The following RIT1 variants were observed in gnomAD, a reference collection of about 807,000 sequenced individuals.
RIT1 encodes the protein Ras like without CAAX 1.
Under a neutral mutation model 25.6 loss-of-function variants are expected in RIT1, and 6 were observed. That is an observed-to-expected ratio of 0.23 (90% CI 0.13 to 0.46). RIT1 has a LOEUF of 0.46. Among genes scored for constraint, RIT1 ranks in the 20% least tolerant of loss-of-function variants. The pLI is 0.99. For synonymous variants in RIT1, 81 were observed against 94.1 expected (o/e 0.86, Z 0.80); for missense variants, 219 against 284.4 (o/e 0.77, Z 1.65).
Position 155,900,289 on chromosome 1 carries a change from A to G in RIT1, c.*99T>C. 2 of 792,210 alleles carry G rather than the reference A, an allele frequency of 2.5e-6. No individual in the cohort carries two copies. The highest frequency in any genetic ancestry group is 4.2e-6 in the Non-Finnish European group (2 of 475,774). The allele number at this position is 792,210 out of a possible 1,614,324, so 49.1% of individuals were successfully genotyped here. On this transcript the variant is annotated 3_prime_UTR_variant, in exon 6 of 6. Coordinates refer to ENST00000368323, the MANE Select transcript of RIT1 (RefSeq NM_006912.6). ...TCCTAGTAGGCATGTCCCTCTTATCAGTTAAGTGAAAGAGCAAGCACCATA... is the reference window on the plus strand; with the variant it reads ...TCCTAGTAGGCATGTCCCTCTTATCGGTTAAGTGAAAGAGCAAGCACCATA...
In RIT1 at chr1:155,900,333, T is replaced by G. The variant is rs1211510071; in HGVS notation, c.*55A>C. On this transcript the variant is annotated 3_prime_UTR_variant, in exon 6 of 6. Coordinates refer to ENST00000368323, the MANE Select transcript of RIT1 (RefSeq NM_006912.6). ...CACCATACTCAGTACTGCAGGTTAC[T>G]GGACTGCTTTGATACAGCACTGCAG... 2 of 1,302,110 alleles carry G rather than the reference T, an allele frequency of 1.5e-6. No homozygotes were observed. Among genetic ancestry groups the G allele is most frequent in the African/African-American group, 2.9e-5 (2 of 68,732 alleles). The allele number at this position is 1,302,110 out of a possible 1,614,324, so 80.7% of individuals were successfully genotyped here.
In RIT1 at chr1:155,905,175, C is replaced by A. The variant is rs540102421; in HGVS notation, c.164-371G>T. 5.3e-5 allele frequency among the ~76,000 whole-genome samples: 8 copies of A among 152,052 alleles called. No homozygotes were observed. In the East Asian group the frequency reaches 1.5e-3, roughly 29 times the overall value. On this transcript the variant is annotated intron_variant, in intron 3 of 5. Transcript: ENST00000368323. ...TTTGAGCCCAGGAGTTCAAGACCAGCCTGGGCAACACAGCAACAGCTCATC... is the reference window on the plus strand; with the variant it reads ...TTTGAGCCCAGGAGTTCAAGACCAGACTGGGCAACACAGCAACAGCTCATC...
rs777520196 is a variant in RIT1 at position 155,904,375 on chromosome 1, C to A, written c.365G>T (p.Arg122Leu). 6.2e-7 allele frequency: 1 copy of A among 1,614,032 alleles called. No individual in the cohort carries two copies. The highest frequency in any genetic ancestry group is 8.5e-7 in the Non-Finnish European group (1 of 1,179,918). Residue 122 changes from arginine (R) to leucine (L), a missense_variant, in exon 5 of 6, where the codon CGA becomes CTA. Physicochemically the swap from Arg to Leu is moderately radical, Grantham distance 102 (BLOSUM62 -2). Around this residue, in one of 3 missense-constraint regions of RIT1, gnomAD observed 131 missense variants for 173.6 expected, o/e 0.75. Transcript: ENST00000368323. ...REFKQLIYRV[R>L]RTDDTPVVLV... ...AACCACAGGTGTATCGTCAGTACGTCGGACTCGATAAATAAGCTGTTTAAA... is the reference window on the plus strand; with the variant it reads ...AACCACAGGTGTATCGTCAGTACGTAGGACTCGATAAATAAGCTGTTTAAA...
chr1:155,910,852 C>T, intron 1 of RIT1, 48 bp from the exon 2 acceptor site: 2 of 1,601,676 alleles, frequency 1.2e-6, no homozygotes, highest in Non-Finnish European at 1.7e-6. Flanking sequence ...GACACCACGG[C>T]GACAGCCCTC....
At chr1:155,908,868 C>T (rs937590802) in intron 3 of RIT1, among the ~76,000 whole-genome samples, 1 of 151,880 alleles carries the variant, frequency 6.6e-6, no homozygotes, top group African/African-American at 2.4e-5. Flanking sequence ...TGGCCTGAAT[C>T]TCTGAACAGT....
Position 155,898,944 on chromosome 1 carries a change from T to A in RIT1, c.*1444A>T. The A allele has an allele frequency of 4.7e-6, 1 of 212,280 alleles. No individual in the cohort carries two copies. The highest frequency in any genetic ancestry group is 9.5e-6 in the Non-Finnish European group (1 of 104,778). The allele number at this position is 212,280 out of a possible 1,614,324, so 13.1% of individuals were successfully genotyped here. A position where few individuals can be genotyped will look rare whatever the true frequency, so the allele number is the denominator to read the frequency against. On this transcript the variant is annotated 3_prime_UTR_variant, in exon 6 of 6. Coordinates refer to ENST00000368323, the MANE Select transcript of RIT1 (RefSeq NM_006912.6). ...CTAATAAAAATGGAAAATATTAAGA[T>A]GAGCTGTGTGCTTATAAAGAGGTGC...
intron 5 of RIT1, among the ~76,000 whole-genome samples, chr1:155,900,844 G>A (rs900707492): frequency 5.3e-5 from 8 of 152,008 alleles, no homozygotes; most frequent in Non-Finnish European, 4.4e-5. Context: ...TTGAGACAGA[G>A]TTGCGTTCTT....
chr1:155,906,829 T>C (rs1025212498), intron 3 of RIT1, among the ~76,000 whole-genome samples: 2 of 147,308 alleles, frequency 1.4e-5, no homozygotes, highest in South Asian at 2.1e-4. Flanking sequence ...GTGGGTGAGG[T>C]ACAGTGGCTC....
chr1:155,908,100 A>AC (rs1673490135), intron 3 of RIT1, among the ~76,000 whole-genome samples: 1 of 144,524 alleles, frequency 6.9e-6, no homozygotes, highest in South Asian at 2.1e-4. Flanking sequence ...AAAAAAAAAA[A>AC]CAAAAAAAAA....
rs1673585530 is a variant in RIT1 at position 155,910,966 on chromosome 1, C to CT, written c.-43-163_-43-162insA. On this transcript the variant is annotated intron_variant, in intron 1 of 5. Coordinates refer to ENST00000368323, the MANE Select transcript of RIT1 (RefSeq NM_006912.6). ...CCCTTTCGGGTGGCCCTAAGAAACC[C>CT]CCCCATCTTCACCCTCCCTCCTAGA... 5.6e-6 allele frequency: 8 copies of CT among 1,420,506 alleles called. No individual in the cohort carries two copies. The South Asian group carries it at 7.5e-5, about 13-fold the overall frequency. The allele number at this position is 1,420,506 out of a possible 1,614,324, so 88.0% of individuals were successfully genotyped here.
At position 155,898,519 on chromosome 1, in the gene RIT1, ATATATATAT is replaced by A. The variant is rs1457980414; in HGVS notation, c.*1860_*1868del. The A allele has an allele frequency of 3.3e-4, 27 of 80,840 alleles. No homozygotes were observed. The highest frequency in any genetic ancestry group is 1.3e-3 in the African/African-American group (25 of 19,694). The allele number at this position is 80,840 out of a possible 1,614,324, so 5.0% of individuals were successfully genotyped here. A position where few individuals can be genotyped will look rare whatever the true frequency, so the allele number is the denominator to read the frequency against. On this transcript the variant is annotated 3_prime_UTR_variant, in exon 6 of 6. Coordinates refer to ENST00000368323, the MANE Select transcript of RIT1 (RefSeq NM_006912.6). ...AAAAAAAAAAAAAAAAAAAAAAAAA[ATATATATAT>A]ATATATATATATATATCTCTTAATG...
intron 4 of RIT1, 54 bp downstream of exon 4, chr1:155,904,677 T>C: frequency 7.3e-7 from 1 of 1,365,078 alleles, no homozygotes. Context: ...GGCCTTCCCC[T>C]CCCCTTTGCT....
At chr1:155,906,402 T>C (rs1673439509) in intron 3 of RIT1, among the ~76,000 whole-genome samples, 1 of 151,680 alleles carries the variant, frequency 6.6e-6, no homozygotes, top group Non-Finnish European at 1.5e-5. Flanking sequence ...GATTAGTGAG[T>C]TGTGAAATCT....
chr1:155,904,878 A>G, intron 3 of RIT1, 74 bp from the exon 4 acceptor site: 1 of 965,590 alleles, frequency 1.0e-6, no homozygotes, highest in Non-Finnish European at 1.7e-6. Flanking sequence ...CTCATCTTAC[A>G]GAGTAGTACA....
At chr1:155,904,580 T>A in intron 4 of RIT1, 78 bp from the exon 5 acceptor site, 1 of 1,371,472 alleles carries the variant, frequency 7.3e-7, no homozygotes, top group Non-Finnish European at 1.0e-6. Context: ...TCTTTCAGAT[T>A]AAAGAAAACG....
At chr1:155,901,541 G>A (rs565107424) in intron 5 of RIT1, among the ~76,000 whole-genome samples, 3 of 152,230 alleles carry the variant, frequency 2.0e-5, no homozygotes, top group Non-Finnish European at 4.4e-5. Flanking sequence ...GTGAGGCTGA[G>A]GCAGGAGAAT....
At chr1:155,903,325 C>T (rs1251183208) in intron 5 of RIT1, among the ~76,000 whole-genome samples, 6 of 151,244 alleles carry the variant, frequency 4.0e-5, no homozygotes, top group South Asian at 2.1e-4. Context: ...TGGTGGCATG[C>T]GCCTGTAATC....
chr1:155,902,480 G>T (rs1557959152), intron 5 of RIT1, among the ~76,000 whole-genome samples: 1 of 151,836 alleles, frequency 6.6e-6, no homozygotes, highest in Non-Finnish European at 1.5e-5. Flanking sequence ...AGGTTGCAGT[G>T]AGCCAACATC....
At chr1:155,901,941 C>A (rs1673320041) in intron 5 of RIT1, among the ~76,000 whole-genome samples, 1 of 152,122 alleles carries the variant, frequency 6.6e-6, no homozygotes, top group African/African-American at 2.4e-5. Flanking sequence ...CACGGTGAAA[C>A]CCCATCTCTA....
Sources: gnomAD v4.1 joint callset for allele counts (sites outside exome capture counted in the v4.1 genomes callset) on GRCh38, gnomAD v4.1.1 for gene constraint, gnomAD v4.1.1 regional missense constraint, MANE v1.5 for transcripts, NCBI Gene and HGNC (gene_info 2026-07-23, HGNC 2026-07-21) for gene names.